The following CRISPLD2 variants were observed in gnomAD, a reference collection of about 807,000 sequenced individuals.
CRISPLD2 encodes the protein cysteine-rich secretory protein LCCL domain-containing 2.
CRISPLD2 carries 47 observed loss-of-function variants against 71.1 expected under a neutral mutation model. The ratio of observed to expected loss-of-function variants is 0.66; its 90% CI spans 0.52 to 0.84. The LOEUF is 0.84. Ranked by LOEUF, CRISPLD2 falls within the 40% of genes least tolerant of loss-of-function variation. The pLI is 0.00. For missense variants in CRISPLD2, 830 were observed against 651.1 expected (o/e 1.27, Z -2.99); for synonymous variants, 317 against 250.1 (o/e 1.27, Z -2.52).
chr16:84,891,229 A>G (rs1261669766), intron 14 of CRISPLD2, among the ~76,000 whole-genome samples: 1 of 152,224 alleles, frequency 6.6e-6, no homozygotes, highest in East Asian at 1.9e-4. Flanking sequence ...GAAGGAATAA[A>G]ATCAAGGCTG....
intron 6 of CRISPLD2, among the ~76,000 whole-genome samples, chr16:84,859,141 T>C (rs1281772767): frequency 1.3e-5 from 2 of 152,204 alleles, no homozygotes; most frequent in African/African-American, 2.4e-5. Flanking sequence ...CCCACCATAA[T>C]AGCCCTCCCT....
intron 1 of CRISPLD2, among the ~76,000 whole-genome samples, chr16:84,821,682 A>G (rs906952664): frequency 3.3e-5 from 5 of 152,162 alleles, no homozygotes; most frequent in Admixed American, 6.5e-5. Flanking sequence ...AGTTAAAACC[A>G]CTGGACAATG....
intron 3 of CRISPLD2, chr16:84,846,115 A>C: frequency 2.3e-6 from 1 of 427,550 alleles, no homozygotes; most frequent in Non-Finnish European, 4.2e-6. Flanking sequence ...GACCCCAGAC[A>C]CTGATGATTG....
Position 84,867,020 on chromosome 16 carries a change from C to T in CRISPLD2, c.833C>T (p.Thr278Ile), listed in dbSNP as rs778905360. Residue 278 changes from threonine (T) to isoleucine (I), a missense_variant, in exon 7 of 15, where the codon ACC becomes ATC. Physicochemically the swap from Thr to Ile is moderately conservative, Grantham distance 89. Coordinates refer to ENST00000262424, the MANE Select transcript of CRISPLD2 (RefSeq NM_031476.4). ...ATGAGACCCACCAAGCCCAAGAAAA[C>T]CTCTGCGGTCAACTACATGAGTGAG... ...RVMRPTKPKK[T>I]SAVNYMTQVV... The T allele has an allele frequency of 2.1e-5, 34 of 1,613,942 alleles. No individual in the cohort carries two copies. Among genetic ancestry groups the T allele is most frequent in the Non-Finnish European group, 2.9e-5 (34 of 1,180,022 alleles).
At chr16:84,869,027 C>T (rs1478243957) in intron 8 of CRISPLD2, 116 bp downstream of exon 8, 10 of 887,620 alleles carry the variant, frequency 1.1e-5, no homozygotes, top group Non-Finnish European at 1.7e-5. Context: ...ATTTAGCAAG[C>T]TGCTCTCAGC....
In CRISPLD2 at chr16:84,873,175, T is replaced by C. The variant is rs757533906; in HGVS notation, c.1112+53T>C. On this transcript the variant is annotated intron_variant, in intron 10 of 14. Transcript: ENST00000262424. ...GAAACGGTTTTCCTGTTTATGACGG[T>C]GTTGTTGAAATTTTGAAAAATACCA... 10 of 1,571,898 alleles carry C rather than the reference T, an allele frequency of 6.4e-6. No homozygotes were observed. The African/African-American group carries it at 1.4e-4, about 22-fold the overall frequency.
intron 5 of CRISPLD2, 120 bp downstream of exon 5, chr16:84,850,803 C>A: frequency 1.3e-6 from 1 of 748,706 alleles, no homozygotes; most frequent in South Asian, 1.6e-5. Context: ...AACAAAGAAT[C>A]TAGAGTTTAG....
chr16:84,865,183 T>G (rs1423067654), intron 6 of CRISPLD2, among the ~76,000 whole-genome samples: 2 of 148,042 alleles, frequency 1.4e-5, no homozygotes, highest in Middle Eastern at 3.6e-3. Context: ...TGAGACAGAG[T>G]TTCGCTCTGT....
Position 84,855,879 on chromosome 16 carries a change from A to G in CRISPLD2, c.709+1050A>G, listed in dbSNP as rs184413584. Among the ~76,000 whole-genome samples the G allele has an allele frequency of 9.8e-4, 149 of 152,386 alleles. 2 individuals are homozygous for G. In the Middle Eastern group the frequency reaches 0.034, roughly 35 times the overall value. ...AAGTTAACAATACTTAAATGCTGAT[A>G]TGAAGTTAATAAATCTTATGTCCCA... is the stretch of plus-strand genomic sequence containing the variant. On this transcript the variant is annotated intron_variant, in intron 6 of 14. Coordinates refer to ENST00000262424, the MANE Select transcript of CRISPLD2 (RefSeq NM_031476.4).
intron 2 of CRISPLD2, among the ~76,000 whole-genome samples, chr16:84,842,936 G>A (rs563416127): frequency 1.3e-5 from 2 of 152,288 alleles, no homozygotes; most frequent in East Asian, 3.9e-4. Context: ...CCCGCCTCCC[G>A]GTCTGGAGCA....
At chr16:84,897,777 C>T (rs143253230) in intron 14 of CRISPLD2, among the ~76,000 whole-genome samples, 26 of 152,112 alleles carry the variant, frequency 1.7e-4, no homozygotes, top group African/African-American at 5.1e-4. Flanking sequence ...CTGCCAGGCC[C>T]GGCTAATTTT....
chr16:84,877,037 C>G (rs1334545844), intron 11 of CRISPLD2, among the ~76,000 whole-genome samples: 1 of 152,174 alleles, frequency 6.6e-6, no homozygotes, highest in Non-Finnish European at 1.5e-5. Flanking sequence ...TGGGCTCCCA[C>G]CTCAGTCCTG....
At chr16:84,880,913 C>T (rs1168579124) in intron 13 of CRISPLD2, among the ~76,000 whole-genome samples, 1 of 152,080 alleles carries the variant, frequency 6.6e-6, no homozygotes, top group Non-Finnish European at 1.5e-5. Context: ...CCATGTTGGC[C>T]AGGCTGGTTT....
chr16:84,903,451 G>A (rs1235928460), intron 14 of CRISPLD2, among the ~76,000 whole-genome samples: 2 of 152,162 alleles, frequency 1.3e-5, no homozygotes, highest in South Asian at 2.1e-4. Flanking sequence ...AATTAGCTGG[G>A]TGTGGTGGCG....
chr16:84,848,975 G>A (rs1237489273), intron 3 of CRISPLD2, among the ~76,000 whole-genome samples: 1 of 117,412 alleles, frequency 8.5e-6, no homozygotes, highest in African/African-American at 3.1e-5. Context: ...GACAGAGCGA[G>A]ACTCCGTCTC....
rs768305521 is a variant in CRISPLD2 at position 84,907,855 on chromosome 16, A to G, written c.*1213A>G. On this transcript the variant is annotated 3_prime_UTR_variant, in exon 15 of 15. Transcript: ENST00000262424. ...CTTGCCAAACGTTCCCGAGGCGCCA[A>G]GGAGTGTAGTACACCCTGGCTGCCA... The G allele has an allele frequency of 6.6e-6, 1 of 152,236 alleles. No individual in the cohort carries two copies. The allele number at this position is 152,236 out of a possible 1,614,324, so 9.4% of individuals were successfully genotyped here.
chr16:84,841,375 C>G (rs1014264349), intron 2 of CRISPLD2, among the ~76,000 whole-genome samples: 1 of 152,004 alleles, frequency 6.6e-6, no homozygotes, highest in African/African-American at 2.4e-5. Flanking sequence ...CAGAGGAGCT[C>G]TCAAAAAGCC....
chr16:84,887,614 C>T lies in CRISPLD2; in HGVS notation c.1306-1616C>T, dbSNP rs375019562. 1.6e-4 allele frequency among the ~76,000 whole-genome samples: 25 copies of T among 152,362 alleles called. 1 individual carries two copies. The highest frequency in any genetic ancestry group is 5.9e-4 in the Admixed American group (9 of 15,300). On this transcript the variant is annotated intron_variant, in intron 13 of 14. Coordinates refer to ENST00000262424, the MANE Select transcript of CRISPLD2 (RefSeq NM_031476.4). ...AAGTCAGGCCGGGCGCGGCGGCTCA[C>T]GCCTGTAGTCCCAGCACTTTGGGAG... is the stretch of plus-strand genomic sequence containing the variant.
chr16:84,864,065 T>G (rs1917469663), intron 6 of CRISPLD2, among the ~76,000 whole-genome samples: 1 of 150,944 alleles, frequency 6.6e-6, no homozygotes, highest in Non-Finnish European at 1.5e-5. Context: ...CAGTGCTCAG[T>G]GAACATTAGC....
Sources: gnomAD v4.1 joint callset for allele counts (sites outside exome capture counted in the v4.1 genomes callset) on GRCh38, gnomAD v4.1.1 for gene constraint, MANE v1.5 for transcripts, NCBI Gene and HGNC (gene_info 2026-07-23, HGNC 2026-07-21) for gene names.